The following CDHR3 variants were observed in gnomAD, a reference collection of about 807,000 sequenced individuals.
The protein encoded by CDHR3 is cadherin related family member 3, also known as cadherin-related family member 3.
Under a neutral mutation model 86.6 loss-of-function variants are expected in CDHR3, and 79 were observed. That is an observed-to-expected ratio of 0.91 (90% CI 0.76 to 1.10). The LOEUF (loss-of-function observed/expected upper bound fraction) is 1.10. Among genes scored for constraint, CDHR3 ranks in the 50% least tolerant of loss-of-function variants. The pLI, the probability that CDHR3 is intolerant of heterozygous loss-of-function variation, is 0.00. For missense variants in CDHR3, 1,081 were observed against 1,077.6 expected (o/e 1.00, Z -0.04); for synonymous variants, 421 against 402.4 (o/e 1.05, Z -0.55).
At chr7:105,996,650 A>C (rs142231503) in intron 6 of CDHR3, among the ~76,000 whole-genome samples, 3 of 152,306 alleles carry the variant, frequency 2.0e-5, no homozygotes, top group Non-Finnish European at 4.4e-5. Context: ...GTGCACATGC[A>C]GAGGGTGCTT....
In CDHR3 at chr7:106,032,408, A is replaced by G; in HGVS notation, c.2369A>G (p.Tyr790Cys). The G allele has an allele frequency of 6.2e-7, 1 of 1,610,022 alleles. No homozygotes were observed. Among genetic ancestry groups the G allele is most frequent in the East Asian group, 2.2e-5 (1 of 44,774 alleles). Reference protein sequence around the residue: ...EAIDPVTGETYEFNSKTGARK... With the variant: ...EAIDPVTGETCEFNSKTGARK... ...TTTTCACTAGTGACCGGGGAAACAT[A>G]TGAATTCAACTCAAAAACTGGAGCC... Residue 790 changes from tyrosine (Y) to cysteine (C), a missense_variant, in exon 19 of 19, where the codon TAT becomes TGT. Transcript: ENST00000317716.
intron 6 of CDHR3, among the ~76,000 whole-genome samples, chr7:105,997,159 C>T (rs1462008198): frequency 1.3e-5 from 2 of 152,158 alleles, no homozygotes; most frequent in East Asian, 3.9e-4. Context: ...ACAGGATACT[C>T]CACCAATAAA....
chr7:106,001,386 C>T (rs935741992), intron 6 of CDHR3, 76 bp from the exon 7 acceptor site: 1 of 1,545,036 alleles, frequency 6.5e-7, no homozygotes, highest in Non-Finnish European at 8.9e-7. Flanking sequence ...TTAGCACTAA[C>T]CAAAATACCA....
intron 13 of CDHR3, 133 bp downstream of exon 13, chr7:106,020,677 T>C (rs1480767217): frequency 1.0e-6 from 1 of 989,234 alleles, no homozygotes; most frequent in African/African-American, 1.6e-5. Context: ...TTTTTTGAGA[T>C]AGGGTCTTGC....
chr7:106,022,133 T>C (rs1836658205), intron 13 of CDHR3, 65 bp from the exon 14 acceptor site: 5 of 1,586,494 alleles, frequency 3.2e-6, no homozygotes, highest in Non-Finnish European at 4.3e-6. Flanking sequence ...AGTTTTCTTC[T>C]AAACCTTTAT....
chr7:106,015,777 C>T (rs866011865), intron 10 of CDHR3, 150 bp from the exon 11 acceptor site: 22 of 688,600 alleles, frequency 3.2e-5, no homozygotes, highest in Non-Finnish European at 5.3e-5. Flanking sequence ...TGAACACCCT[C>T]GGCATCTAAA....
At position 106,020,489 on chromosome 7, in the gene CDHR3, G is replaced by A; in HGVS notation, c.1770G>A (p.Leu590=). Residue 590 remains leucine (L), a synonymous_variant, in exon 13 of 19, where the codon CTG becomes CTA. Coordinates refer to ENST00000317716, the MANE Select transcript of CDHR3 (RefSeq NM_152750.5). ...GCACAAATATTCAGAATTTCAAGCTGACATGTACCGACCTTGATTCCAGCC... is the reference window on the plus strand; with the variant it reads ...GCACAAATATTCAGAATTTCAAGCTAACATGTACCGACCTTGATTCCAGCC... The part of the protein sequence containing the change: ...KVGTNIQNFK[L]TCTDLDSSPR... 6.2e-7 allele frequency: 1 copy of A among 1,614,016 alleles called. No individual in the cohort carries two copies. Among genetic ancestry groups the A allele is most frequent in the Non-Finnish European group, 8.5e-7 (1 of 1,179,894 alleles).
chr7:106,003,639 A>G (rs997670439), intron 7 of CDHR3, among the ~76,000 whole-genome samples: 1 of 152,108 alleles, frequency 6.6e-6, no homozygotes, highest in Non-Finnish European at 1.5e-5. Context: ...CCTCTTAACC[A>G]CTACCGGACT....
At chr7:106,018,339 C>T (rs1169033024) in intron 12 of CDHR3, among the ~76,000 whole-genome samples, 3 of 152,162 alleles carry the variant, frequency 2.0e-5, no homozygotes, top group South Asian at 2.1e-4. Flanking sequence ...TGGGCTTAAG[C>T]GATTCTCGTG....
At chr7:106,027,048 T>C (rs989516632) in intron 16 of CDHR3, among the ~76,000 whole-genome samples, 7 of 152,324 alleles carry the variant, frequency 4.6e-5, no homozygotes, top group South Asian at 2.1e-4. Flanking sequence ...CTGCAGCCCA[T>C]GGAGGGTGTC....
At position 106,001,457 on chromosome 7, in the gene CDHR3, T is replaced by A; in HGVS notation, c.714-5T>A. On this transcript the variant is annotated splice_region_variant and splice_polypyrimidine_tract_variant and intron_variant, in intron 6 of 18. Coordinates refer to ENST00000317716, the MANE Select transcript of CDHR3 (RefSeq NM_152750.5). Reference sequence around the variant, plus strand: ...TTAGCTGTGTCTGCTGTATCTCTGTTCCAGCCCGACACGAGTGTACACAGT... The same window carrying A: ...TTAGCTGTGTCTGCTGTATCTCTGTACCAGCCCGACACGAGTGTACACAGT... 1 of 1,613,630 alleles carries A rather than the reference T, an allele frequency of 6.2e-7. No homozygotes were observed. The highest frequency in any genetic ancestry group is 1.1e-5 in the South Asian group (1 of 91,050).
chr7:105,975,736 G>T (rs1828703790), intron 2 of CDHR3, among the ~76,000 whole-genome samples: 1 of 152,150 alleles, frequency 6.6e-6, no homozygotes, highest in Non-Finnish European at 1.5e-5. Context: ...AGGGTCCCAT[G>T]TCTGGATCTG....
intron 8 of CDHR3, 128 bp downstream of exon 8, chr7:106,004,815 T>A (rs954662754): frequency 3.0e-5 from 26 of 870,536 alleles, no homozygotes; most frequent in Admixed American, 1.0e-4. Flanking sequence ...AATAAATCGA[T>A]GTGAACTGTT....
chr7:105,967,440 G>A (rs1198107957), intron 1 of CDHR3, among the ~76,000 whole-genome samples: 7 of 152,216 alleles, frequency 4.6e-5, no homozygotes, highest in Non-Finnish European at 8.8e-5. Context: ...CTTTATAGCA[G>A]CATGATTTAT....
Position 105,963,339 on chromosome 7 carries a change from C to T in CDHR3, c.21C>T (p.Leu7=), listed in dbSNP as rs768148262. 3.1e-6 allele frequency: 5 copies of T among 1,614,050 alleles called. No individual in the cohort carries two copies. Among genetic ancestry groups the T allele is most frequent in the Non-Finnish European group, 4.2e-6 (5 of 1,179,888 alleles). MQEAII[L]LALLGAMSGG... ...CAAGTATGCAGGAAGCAATCATTCT[C>T]CTGGCTCTCCTGGGTGCCATGTCAG... is the stretch of plus-strand genomic sequence containing the variant. Residue 7 remains leucine (L), a synonymous_variant, in exon 1 of 19, where the codon CTC becomes CTT. Transcript: ENST00000317716.
intron 1 of CDHR3, among the ~76,000 whole-genome samples, chr7:105,967,954 G>A (rs1827244421): frequency 6.6e-6 from 1 of 152,176 alleles, no homozygotes; most frequent in African/African-American, 2.4e-5. Context: ...AAGCTCTTTA[G>A]TTTAATTAGA....
chr7:105,979,350 C>T (rs944387762), intron 2 of CDHR3, among the ~76,000 whole-genome samples: 4 of 152,100 alleles, frequency 2.6e-5, no homozygotes, highest in South Asian at 2.1e-4. Context: ...CTCTGTTCAC[C>T]AGTAGACACA....
At chr7:105,999,732 G>A (rs916196714) in intron 6 of CDHR3, among the ~76,000 whole-genome samples, 6 of 151,758 alleles carry the variant, frequency 4.0e-5, no homozygotes, top group Non-Finnish European at 7.4e-5. Context: ...TCATCCTTCC[G>A]AAACATTAAA....
chr7:106,008,362 C>T (rs901077738), intron 8 of CDHR3, among the ~76,000 whole-genome samples: 11 of 152,160 alleles, frequency 7.2e-5, no homozygotes, highest in African/African-American at 1.9e-4. Flanking sequence ...AGCTCTCTGT[C>T]GCAGGACCTG....
Sources: allele counts gnomAD v4.1 joint callset (sites outside exome capture counted in the v4.1 genomes callset), GRCh38; gene constraint gnomAD v4.1.1; transcripts MANE v1.5; gene names NCBI Gene and HGNC (gene_info 2026-07-23, HGNC 2026-07-21).